LRP1B: variants seen among roughly 807,000 people sequenced by gnomAD.
LRP1B encodes the protein LDL receptor related protein 1B, also known as low-density lipoprotein receptor-related protein 1B.
Under a neutral mutation model 556.6 loss-of-function variants are expected in LRP1B, and 217 were observed. The observed-to-expected ratio is 0.39, with a 90% CI of 0.35 to 0.44. The LOEUF (loss-of-function observed/expected upper bound fraction) is 0.44, where lower values mean the gene tolerates loss of function less well. Ranked by LOEUF, LRP1B falls within the 20% of genes least tolerant of loss-of-function variation. The pLI, the probability that LRP1B is intolerant of heterozygous loss-of-function variation, is 1.00. For synonymous variants in LRP1B, 2,047 were observed against 1,865.8 expected (o/e 1.10, Z -2.50); for missense variants, 5,053 against 5,620.8 (o/e 0.90, Z 3.23).
At chr2:141,940,125 G>T (rs904362661) in intron 1 of LRP1B, among the ~76,000 whole-genome samples, 1 of 152,084 alleles carries the variant, frequency 6.6e-6, no homozygotes, top group African/African-American at 2.4e-5. Context: ...ATACTACAAT[G>T]ATTAGTGACA....
intron 7 of LRP1B, among the ~76,000 whole-genome samples, chr2:141,108,654 ATG>A (rs771277067): frequency 1.3e-5 from 2 of 152,060 alleles, no homozygotes; most frequent in South Asian, 2.1e-4. Context: ...CCGGCCAAAA[ATG>A]TGTTTATAAT....
chr2:142,124,298 T>C (rs138491821), intron 1 of LRP1B, among the ~76,000 whole-genome samples: 1 of 152,062 alleles, frequency 6.6e-6, no homozygotes, highest in East Asian at 1.9e-4. Context: ...TAATAGGGAA[T>C]AAGATCAACA....
chr2:140,383,452 TC>T (rs1683625779), intron 67 of LRP1B, among the ~76,000 whole-genome samples: 1 of 152,132 alleles, frequency 6.6e-6, no homozygotes, highest in African/African-American at 2.4e-5. Context: ...ATAATTGAAT[TC>T]TTTTCTCGTT....
At chr2:142,042,040 C>T (rs1479171453) in intron 1 of LRP1B, among the ~76,000 whole-genome samples, 2 of 151,404 alleles carry the variant, frequency 1.3e-5, no homozygotes, top group African/African-American at 4.8e-5. Flanking sequence ...GCAAATGCCA[C>T]AGAGGATTTT....
At chr2:140,376,811 A>G (rs1374894318) in intron 68 of LRP1B, among the ~76,000 whole-genome samples, 1 of 152,162 alleles carries the variant, frequency 6.6e-6, no homozygotes, top group Non-Finnish European at 1.5e-5. Context: ...GGAATGCCTC[A>G]GGGCTGGAAG....
At position 141,338,336 on chromosome 2, in the gene LRP1B, G is replaced by T. The variant is rs147748147; in HGVS notation, c.344-83695C>A. ...AAGCAGAAGAAAGCAGGAGATTTCT[G>T]CCCTTTGAGACTCAGGAGTACCCTT... On this transcript the variant is annotated intron_variant, in intron 3 of 90. Coordinates refer to ENST00000389484, the MANE Select transcript of LRP1B (RefSeq NM_018557.3). Among the ~76,000 whole-genome samples the T allele has an allele frequency of 2.9e-3, 436 of 152,204 alleles. 1 individual carries two copies. Among genetic ancestry groups the T allele is most frequent in the African/African-American group, 0.01 (418 of 41,538 alleles).
Position 140,233,051 on chromosome 2 carries a change from T to A in LRP1B, c.*135A>T, listed in dbSNP as rs1475454963. 5.5e-6 allele frequency: 3 copies of A among 547,456 alleles called. No individual in the cohort carries two copies. The highest frequency in any genetic ancestry group is 6.7e-5 in the East Asian group (2 of 30,068). 33.9% of individuals were successfully genotyped at this position (547,456 alleles called of 1,614,324 possible). ...CAGCAAAAAATAAAACCCAAAAAAC[T>A]CAGAAAACAATTAACCAGGAAAAAG... On this transcript the variant is annotated 3_prime_UTR_variant, in exon 91 of 91. Transcript: ENST00000389484.
At chr2:140,670,656 T>G (rs560314826) in intron 41 of LRP1B, among the ~76,000 whole-genome samples, 35 of 143,468 alleles carry the variant, frequency 2.4e-4, no homozygotes, top group Non-Finnish European at 4.9e-4. Flanking sequence ...AATGTTATAG[T>G]TAATCTTTTA....
chr2:141,037,601 A>C (rs1267848436), intron 11 of LRP1B, among the ~76,000 whole-genome samples: 1 of 152,056 alleles, frequency 6.6e-6, no homozygotes, highest in Non-Finnish European at 1.5e-5. Flanking sequence ...CTGCACTCCC[A>C]GAGTATATTG....
intron 2 of LRP1B, among the ~76,000 whole-genome samples, chr2:141,519,905 C>T (rs1684471920): frequency 6.6e-6 from 1 of 152,046 alleles, no homozygotes; most frequent in Admixed American, 6.6e-5. Context: ...CCTTTGAGGA[C>T]CAGACAGTAG....
intron 2 of LRP1B, among the ~76,000 whole-genome samples, chr2:141,644,683 C>A (rs1013828996): frequency 6.6e-6 from 1 of 150,416 alleles, no homozygotes; most frequent in Non-Finnish European, 1.5e-5. Flanking sequence ...GCTTCCTTGA[C>A]CAGAGTCAGT....
intron 86 of LRP1B, among the ~76,000 whole-genome samples, chr2:140,258,075 A>G (rs1333529590): frequency 6.6e-6 from 1 of 152,172 alleles, no homozygotes; most frequent in Non-Finnish European, 1.5e-5. Context: ...TGACAGAAAC[A>G]GAACTCATTA....
intron 11 of LRP1B, among the ~76,000 whole-genome samples, chr2:141,026,088 T>C (rs1371838378): frequency 1.3e-5 from 2 of 152,066 alleles, no homozygotes; most frequent in Non-Finnish European, 2.9e-5. Flanking sequence ...AAAACAAAGC[T>C]AAAACTGCTT....
At position 140,695,125 on chromosome 2, in the gene LRP1B, A is replaced by G. The variant is rs375173180; in HGVS notation, c.6799+5125T>C. On this transcript the variant is annotated intron_variant, in intron 41 of 90. Coordinates refer to ENST00000389484, the MANE Select transcript of LRP1B (RefSeq NM_018557.3). ...TTCTTAAGAATCCATGTGTTGTGGAAATTGAATTTGAGCATCCTAAAGGGG... is the reference window on the plus strand; with the variant it reads ...TTCTTAAGAATCCATGTGTTGTGGAGATTGAATTTGAGCATCCTAAAGGGG... 2.4e-4 allele frequency among the ~76,000 whole-genome samples: 36 copies of G among 151,556 alleles called. 2 individuals carry two copies. Among genetic ancestry groups the G allele is most frequent in the Admixed American group, 1.6e-3 (25 of 15,174 alleles).
At chr2:140,350,175 C>T (rs1681892177) in intron 77 of LRP1B, among the ~76,000 whole-genome samples, 2 of 151,794 alleles carry the variant, frequency 1.3e-5, no homozygotes, top group African/African-American at 4.8e-5. Context: ...TTGACATGCC[C>T]TAAAACAAAA....
At chr2:141,058,818 G>T in intron 9 of LRP1B, 65 bp downstream of exon 9, 2 of 1,348,610 alleles carry the variant, frequency 1.5e-6, no homozygotes, top group South Asian at 1.7e-5. Context: ...CCATACAAAA[G>T]CACAAGGACT....
intron 3 of LRP1B, among the ~76,000 whole-genome samples, chr2:141,427,262 A>G (rs937416167): frequency 6.6e-6 from 1 of 152,232 alleles, no homozygotes; most frequent in Non-Finnish European, 1.5e-5. Context: ...TGTATGAAAT[A>G]TGTAATGTAT....
chr2:142,019,726 T>G (rs890244311), intron 1 of LRP1B, among the ~76,000 whole-genome samples: 2 of 152,144 alleles, frequency 1.3e-5, no homozygotes, highest in African/African-American at 4.8e-5. Context: ...CTTTCCAACA[T>G]CTGACCCAGG....
intron 7 of LRP1B, among the ~76,000 whole-genome samples, chr2:141,074,431 A>G (rs1198939213): frequency 2.0e-5 from 3 of 151,902 alleles, no homozygotes; most frequent in African/African-American, 7.2e-5. Flanking sequence ...AAATAGATAC[A>G]AACACATATA....
Sources: gnomAD v4.1 joint callset for allele counts (sites outside exome capture counted in the v4.1 genomes callset) on GRCh38, gnomAD v4.1.1 for gene constraint, MANE v1.5 for transcripts, NCBI Gene and HGNC (gene_info 2026-07-23, HGNC 2026-07-21) for gene names.